The following FBF1 variants were observed in gnomAD, a reference collection of about 807,000 sequenced individuals.
FBF1 encodes the protein fas-binding factor 1.
FBF1 carries 119 observed loss-of-function variants against 147.2 expected under a neutral mutation model. That is an observed-to-expected ratio of 0.81 (90% CI 0.70 to 0.94). The LOEUF (loss-of-function observed/expected upper bound fraction) is 0.94, where lower values mean the gene tolerates loss of function less well. Among genes scored for constraint, FBF1 ranks in the 40% least tolerant of loss-of-function variants. FBF1 has a pLI of 0.00. For missense variants in FBF1, 1,449 were observed against 1,500.8 expected, an observed-to-expected ratio of 0.97 and a Z score of 0.57; for synonymous variants, 601 against 609.0, an observed-to-expected ratio of 0.99 and a Z score of 0.19.
At chr17:75,920,482 C>A in intron 17 of FBF1, 53 bp from the exon 18 acceptor site, 1 of 1,516,598 alleles carries the variant, frequency 6.6e-7, no homozygotes, top group Admixed American at 2.0e-5. Flanking sequence ...AGGGGCCCAG[C>A]TGAGATCAGC....
Position 75,918,266 on chromosome 17 carries a change from C to T in FBF1, c.2142G>A (p.Ala714=), listed in dbSNP as rs554571588. Residue 714 remains alanine (A), a synonymous_variant, in exon 21 of 30, where the codon GCG becomes GCA. Coordinates refer to ENST00000636174, the MANE Select transcript of FBF1 (RefSeq NM_001319193.2). The surrounding 1 kb of genome is among the most constrained non-coding windows in gnomAD (Gnocchi z 5.8). ...EMERLRELQR[A]SILDMRRDHE... ...GGTCTCTGCGCATGTCTAGGATGGA[C>T]GCCCTGAGGGGAGGCGGGAGGGGAA... The T allele has an allele frequency of 7.2e-5, 116 of 1,612,062 alleles. 1 individual carries two copies. The highest frequency in any genetic ancestry group is 2.9e-4 in the South Asian group (26 of 91,000).
At chr17:75,915,931 C>G (rs540456968) in intron 23 of FBF1, among the ~76,000 whole-genome samples, 1 of 150,384 alleles carries the variant, frequency 6.6e-6, no homozygotes, top group Non-Finnish European at 1.5e-5. Context: ...TCCCTTGAAC[C>G]CAGGAGGCGA....
chr17:75,937,775 C>A (rs539421879), intron 2 of FBF1, 182 bp from the exon 3 acceptor site: 17 of 714,008 alleles, frequency 2.4e-5, no homozygotes, highest in South Asian at 1.8e-4. Context: ...TCATTCAGAG[C>A]GTGGAAACAG....
In FBF1 at chr17:75,940,710, T is replaced by A. The variant is rs927792063; in HGVS notation, c.-84+138A>T. ...GCTTGGTTTGCCAAGGCCAAAGGGC[T>A]ACAGAGTAACCCCGTCCCCACATGT... On this transcript the variant is annotated intron_variant, in intron 1 of 29. Transcript: ENST00000636174. 1.9e-5 allele frequency: 3 copies of A among 154,012 alleles called. No individual in the cohort carries two copies. The East Asian group carries it at 5.8e-4, about 30-fold the overall frequency. The allele number at this position is 154,012 out of a possible 1,614,324, so 9.5% of individuals were successfully genotyped here. A position where few individuals can be genotyped will look rare whatever the true frequency, so the allele number is the denominator to read the frequency against.
intron 4 of FBF1, among the ~76,000 whole-genome samples, chr17:75,933,646 A>G (rs909172905): frequency 1.3e-5 from 2 of 152,216 alleles, no homozygotes; most frequent in Non-Finnish European, 2.9e-5. Context: ...AGGTTCCTTA[A>G]TAGACCAACA....
intron 7 of FBF1, among the ~76,000 whole-genome samples, chr17:75,929,066 T>C (rs1135806): frequency 2.0e-5 from 3 of 150,842 alleles, no homozygotes; most frequent in Admixed American, 6.6e-5. Context: ...TCATAGCTCA[T>C]TGCAGCCTCC....
intron 4 of FBF1, among the ~76,000 whole-genome samples, 182 bp downstream of exon 4, chr17:75,935,450 T>C (rs1357866882): frequency 6.6e-6 from 1 of 151,918 alleles, no homozygotes; most frequent in Admixed American, 6.6e-5. Flanking sequence ...TACAGGCGCA[T>C]ATATCTCAAT....
chr17:75,936,649 C>T (rs953864384), intron 3 of FBF1, among the ~76,000 whole-genome samples: 5 of 151,682 alleles, frequency 3.3e-5, no homozygotes, highest in Admixed American at 1.3e-4. Context: ...CACTCTACCC[C>T]GGGCAACAGA....
chr17:75,917,679 G>A, intron 23 of FBF1, 53 bp downstream of exon 23: 1 of 1,494,096 alleles, frequency 6.7e-7, no homozygotes, highest in South Asian at 1.2e-5. Flanking sequence ...GGGTGCCCTG[G>A]AGAAGAGGCC....
In FBF1 at chr17:75,937,997, T is replaced by G. The variant is rs548639106; in HGVS notation, c.3+150A>C. On this transcript the variant is annotated intron_variant, in intron 2 of 29. Coordinates refer to ENST00000636174, the MANE Select transcript of FBF1 (RefSeq NM_001319193.2). ...AACCTTGGTCGTCGAAAGTTTGGTATCAATGCCACCTCCTGTCACTCTTCT... is the reference window on the plus strand; with the variant it reads ...AACCTTGGTCGTCGAAAGTTTGGTAGCAATGCCACCTCCTGTCACTCTTCT... 7 of 1,212,642 alleles carry G rather than the reference T, an allele frequency of 5.8e-6. No individual in the cohort carries two copies. The African/African-American group carries it at 1.1e-4, about 18-fold the overall frequency. 75.1% of individuals were successfully genotyped at this position (1,212,642 alleles called of 1,614,324 possible).
Position 75,928,534 on chromosome 17 carries a change from C to T in FBF1, c.280-341G>A, listed in dbSNP as rs754539596. On this transcript the variant is annotated intron_variant, in intron 7 of 29. Transcript: ENST00000636174. This position sits in a 1 kb window ranked among gnomAD's most constrained non-coding sequence, Gnocchi z 4.2. ...TTCTTTTTTTAGACAGGATATTGGCCGGGCGCGGTGGCTCATGCCTAGAAT... is the reference window on the plus strand; with the variant it reads ...TTCTTTTTTTAGACAGGATATTGGCTGGGCGCGGTGGCTCATGCCTAGAAT... 2.5e-4 allele frequency among the ~76,000 whole-genome samples: 38 copies of T among 152,056 alleles called. No homozygotes were observed. The highest frequency in any genetic ancestry group is 4.0e-4 in the Non-Finnish European group (27 of 67,986).
Position 75,926,126 on chromosome 17 carries a change from G to C in FBF1, c.772C>G (p.Leu258Val). The change falls in exon 12 of 30, where the codon CTG becomes GTG. Residue 258 changes from leucine (L) to valine (V), a missense_variant. Coordinates refer to ENST00000636174, the MANE Select transcript of FBF1 (RefSeq NM_001319193.2). ...TTGGTGGCCATGCCTCGACCCAGCAGCTCATCCAGCGTGGAGCGAGCAGGG... is the reference window on the plus strand; with the variant it reads ...TTGGTGGCCATGCCTCGACCCAGCACCTCATCCAGCGTGGAGCGAGCAGGG... ...PRPARSTLDE[L>V]LGRGMATKLL... 6.2e-7 allele frequency: 1 copy of C among 1,610,808 alleles called. No homozygotes were observed. Among genetic ancestry groups the C allele is most frequent in the South Asian group, 1.1e-5 (1 of 90,664 alleles).
chr17:75,917,717 G>C lies in FBF1; in HGVS notation c.2505+15C>G, dbSNP rs752790348. On this transcript the variant is annotated intron_variant, in intron 23 of 29. Coordinates refer to ENST00000636174, the MANE Select transcript of FBF1 (RefSeq NM_001319193.2). ...GTGGCAGGAGGGGCAGGAGGGCCAG[G>C]AGGACGGGCCTCACCTGCTCCAGCA... is the stretch of plus-strand genomic sequence containing the variant. 1 of 1,552,134 alleles carries C rather than the reference G, an allele frequency of 6.4e-7. No homozygotes were observed. The highest frequency in any genetic ancestry group is 1.2e-5 in the South Asian group (1 of 84,078).
chr17:75,912,720 C>T (rs1567856664), intron 28 of FBF1, among the ~76,000 whole-genome samples: 1 of 152,076 alleles, frequency 6.6e-6, no homozygotes, highest in Non-Finnish European at 1.5e-5. Context: ...TATTGAAAAA[C>T]ACATACAATC....
chr17:75,928,244 G>A lies in FBF1; in HGVS notation c.280-51C>T. The A allele has an allele frequency of 2.0e-6, 3 of 1,496,780 alleles. No homozygotes were observed. Among genetic ancestry groups the A allele is most frequent in the Admixed American group, 3.4e-5 (2 of 58,612 alleles). 92.7% of individuals were successfully genotyped at this position (1,496,780 alleles called of 1,614,324 possible). On this transcript the variant is annotated intron_variant, in intron 7 of 29. Transcript: ENST00000636174. This position sits in a 1 kb window ranked among gnomAD's most constrained non-coding sequence, Gnocchi z 4.2. ...AGGACTATGTCTGATAAGGGGCTGA[G>A]GACTTCCACCTGAGAGAGATGGGCT...
chr17:75,939,281 C>T (rs981428364), intron 1 of FBF1, among the ~76,000 whole-genome samples: 1 of 128,958 alleles, frequency 7.8e-6, no homozygotes, highest in Admixed American at 8.8e-5. Context: ...GGGCAACATG[C>T]GAGACTCTGT....
intron 7 of FBF1, among the ~76,000 whole-genome samples, chr17:75,929,107 C>T (rs899636065): frequency 1.6e-4 from 25 of 151,864 alleles, no homozygotes; most frequent in East Asian, 5.8e-4. Flanking sequence ...CCTACTGCCT[C>T]GGCCTCCCAA....
Position 75,926,760 on chromosome 17 carries a change from T to G in FBF1, c.593A>C (p.Gln198Pro), listed in dbSNP as rs1372066446. The change falls in exon 10 of 30, where the codon CAA becomes CCA. Residue 198 changes from glutamine (Q) to proline (P), a missense_variant and splice_region_variant. Gln to Pro is a moderately conservative substitution (Grantham distance 76). Transcript: ENST00000636174. ...GAAATGAGCCCACTCCACCCTACCT[T>G]GATCTCTCACTGTGCTGGGGCTCTT... ...SDKSPSTVRDQGPSIPLTPGD... is the reference protein window; with the variant it reads ...SDKSPSTVRDPGPSIPLTPGD... 6.2e-7 allele frequency: 1 copy of G among 1,613,052 alleles called. No individual in the cohort carries two copies. The highest frequency in any genetic ancestry group is 1.1e-5 in the South Asian group (1 of 90,768).
Position 75,923,648 on chromosome 17 carries a change from G to C in FBF1, c.969-7C>G, listed in dbSNP as rs528510278. On this transcript the variant is annotated splice_region_variant and splice_polypyrimidine_tract_variant and intron_variant, in intron 13 of 29. Coordinates refer to ENST00000636174, the MANE Select transcript of FBF1 (RefSeq NM_001319193.2). This position sits in a 1 kb window ranked among gnomAD's most constrained non-coding sequence, Gnocchi z 4.1. Reference sequence around the variant, plus strand: ...ACTGTCTGCGAAGAACCTACTTCAAGACAGAAAGGAGGGTGTCAGGCAGGG... The same window carrying C: ...ACTGTCTGCGAAGAACCTACTTCAACACAGAAAGGAGGGTGTCAGGCAGGG... The C allele has an allele frequency of 6.3e-7, 1 of 1,585,334 alleles. No individual in the cohort carries two copies. The highest frequency in any genetic ancestry group is 8.6e-7 in the Non-Finnish European group (1 of 1,165,002).
Sources: gnomAD v4.1 joint callset for allele counts (sites outside exome capture counted in the v4.1 genomes callset) on GRCh38, gnomAD v4.1.1 for gene constraint, Gnocchi (gnomAD v3.1) non-coding constraint, MANE v1.5 for transcripts, NCBI Gene and HGNC (gene_info 2026-07-23, HGNC 2026-07-21) for gene names.